ANOS1: variants seen among roughly 807,000 people sequenced by gnomAD.
ANOS1 encodes the protein anosmin 1, also known as anosmin-1.
Under a neutral mutation model 59.0 loss-of-function variants are expected in ANOS1, and 6 were observed. The ratio of observed to expected loss-of-function variants is 0.10; its 90% CI spans 0.06 to 0.20. ANOS1 has a LOEUF of 0.20. Among genes scored for constraint, ANOS1 ranks in the 10% least tolerant of loss-of-function variants. The probability of loss-of-function intolerance (pLI) is 1.00; values close to 1 mark genes in which losing one functional copy is unlikely to be tolerated. For synonymous variants in ANOS1, 217 were observed against 223.4 expected (o/e 0.97, Z 0.25); for missense variants, 433 against 542.3 (o/e 0.80, Z 2.00).
chrX:8,554,556 T>G lies in ANOS1; in HGVS notation c.1208-458A>C, dbSNP rs867345192. Among the ~76,000 whole-genome samples, 680 of 97,133 alleles carry G rather than the reference T, an allele frequency of 7.0e-3. 9 individuals are homozygous for G. Among genetic ancestry groups the G allele is most frequent in the African/African-American group, 0.026 (658 of 24,937 alleles). The allele number at this position is 97,133 out of a possible 115,157, so 84.3% of individuals were successfully genotyped here. A position where few individuals can be genotyped will look rare whatever the true frequency, so the allele number is the denominator to read the frequency against. ...TGGCTACAGGAGTTTTTTTTTTTTT[T>G]TTTTTTTTTTTTTTGTTGTTGTTGT... is the stretch of plus-strand genomic sequence containing the variant. On this transcript the variant is annotated intron_variant, in intron 8 of 13. Transcript: ENST00000262648.
At chrX:8,602,135 C>T (rs1930854400) in intron 3 of ANOS1, among the ~76,000 whole-genome samples, 1 of 112,213 alleles carries the variant, frequency 8.9e-6, no homozygotes, top group Non-Finnish European at 1.9e-5. Flanking sequence ...GGTTTTGATG[C>T]TGTCTATTAA....
intron 3 of ANOS1, among the ~76,000 whole-genome samples, chrX:8,619,428 AC>A (rs1438442230): frequency 1.8e-5 from 2 of 110,624 alleles, no homozygotes. Flanking sequence ...ACATGGTGAA[AC>A]CCCGTCTCTA....
intron 9 of ANOS1, among the ~76,000 whole-genome samples, chrX:8,551,474 C>T (rs771887690): frequency 3.6e-5 from 4 of 109,942 alleles, no homozygotes; most frequent in Admixed American, 2.9e-4. Context: ...CCTGTCTCTA[C>T]TGAAAATACA....
chrX:8,544,279 C>T (rs1195846984), intron 9 of ANOS1, among the ~76,000 whole-genome samples: 1 of 99,457 alleles, frequency 1.0e-5, no homozygotes, highest in Non-Finnish European at 2.0e-5. Context: ...TTGTAAGTCA[C>T]AGCACTAGGG....
At position 8,731,956 on chromosome X, in the gene ANOS1, G is replaced by A. The variant is rs957612164; in HGVS notation, c.81C>T (p.Pro27=). The A allele has an allele frequency of 9.0e-7, 1 of 1,114,598 alleles. No individual in the cohort carries two copies. The highest frequency in any genetic ancestry group is 1.9e-5 in the African/African-American group (1 of 52,219). The allele number at this position is 1,114,598 out of a possible 1,213,427, so 91.9% of individuals were successfully genotyped here. A position where few individuals can be genotyped will look rare whatever the true frequency, so the allele number is the denominator to read the frequency against. ...CCAGCCGCCGCGCAGCAGCCGCGCCGGGGCCGGCCGCCAGGCAGCCGCTGG... is the reference window on the plus strand; with the variant it reads ...CCAGCCGCCGCGCAGCAGCCGCGCCAGGGCCGGCCGCCAGGCAGCCGCTGG... ...AASSGCLAAG[P]GAAAARRLDE... The change falls in exon 1 of 14, where the codon CCC becomes CCT. Residue 27 remains proline (P), a synonymous_variant. Coordinates refer to ENST00000262648, the MANE Select transcript of ANOS1 (RefSeq NM_000216.4).
intron 3 of ANOS1, among the ~76,000 whole-genome samples, chrX:8,603,492 T>A (rs1320589988): frequency 8.9e-6 from 1 of 111,900 alleles, no homozygotes; most frequent in Non-Finnish European, 1.9e-5. Context: ...CTGTGGCAAG[T>A]AGCTAAAAAT....
chrX:8,639,170 TTTACAATA>T (rs1931619403), intron 2 of ANOS1, among the ~76,000 whole-genome samples: 1 of 111,632 alleles, frequency 9.0e-6, no homozygotes, highest in African/African-American at 3.2e-5. Flanking sequence ...ACATGTGATA[TTTACAATA>T]TAGATGATGC....
intron 2 of ANOS1, among the ~76,000 whole-genome samples, chrX:8,670,428 C>A (rs1384199787): frequency 9.0e-6 from 1 of 111,217 alleles, no homozygotes; most frequent in Non-Finnish European, 1.9e-5. Flanking sequence ...GCCTCTGATT[C>A]CAATTGGCTG....
At chrX:8,667,817 G>C (rs1311567463) in intron 2 of ANOS1, among the ~76,000 whole-genome samples, 1 of 111,206 alleles carries the variant, frequency 9.0e-6, no homozygotes. Context: ...TGGCCGAGAA[G>C]GGTAAGAGTA....
intron 2 of ANOS1, among the ~76,000 whole-genome samples, chrX:8,675,062 G>A (rs779040994): frequency 3.6e-5 from 4 of 111,139 alleles, no homozygotes; most frequent in East Asian, 5.7e-4. Flanking sequence ...AAATATGATC[G>A]AAAATGCATT....
At chrX:8,586,312 T>C (rs957982857) in intron 5 of ANOS1, among the ~76,000 whole-genome samples, 3 of 112,142 alleles carry the variant, frequency 2.7e-5, no homozygotes, top group African/African-American at 9.7e-5. Context: ...TACATCAATA[T>C]CTAAAAGAAG....
intron 9 of ANOS1, among the ~76,000 whole-genome samples, chrX:8,544,871 G>A (rs977475996): frequency 2.8e-5 from 3 of 108,716 alleles, no homozygotes; most frequent in South Asian, 4.1e-4. Context: ...GTTCGAGACC[G>A]GCCTGACCAA....
chrX:8,652,768 T>G (rs1274544078), intron 2 of ANOS1, among the ~76,000 whole-genome samples: 1 of 111,534 alleles, frequency 9.0e-6, no homozygotes, highest in Non-Finnish European at 1.9e-5. Context: ...TTCTACAGGG[T>G]CCAACAAATT....
chrX:8,624,900 G>C (rs926483722), intron 2 of ANOS1, among the ~76,000 whole-genome samples: 9 of 110,229 alleles, frequency 8.2e-5, no homozygotes, highest in African/African-American at 3.0e-4. Context: ...TTGAGGCCAA[G>C]AGTTTGAGAC....
chrX:8,732,026 C>T lies in ANOS1; in HGVS notation c.11G>A (p.Gly4Glu), dbSNP rs1197653612. MVP[G>E]VPGAVLTLCL... ...GAGGGTCAGGACCGCGCCGGGCACCCCGGGCACCATGGCTGCGGGTCGAGG... is the reference window on the plus strand; with the variant it reads ...GAGGGTCAGGACCGCGCCGGGCACCTCGGGCACCATGGCTGCGGGTCGAGG... Residue 4 changes from glycine (G) to glutamate (E), a missense_variant, in exon 1 of 14, where the codon GGG (glycine) becomes GAG (glutamate). By Grantham distance (98) the Gly-to-Glu change is moderately conservative. Transcript: ENST00000262648. 3.0e-6 allele frequency: 3 copies of T among 994,979 alleles called. No homozygotes were observed. The Admixed American group carries it at 1.7e-4, about 57-fold the overall frequency. 82.0% of individuals were successfully genotyped at this position (994,979 alleles called of 1,213,427 possible).
intron 2 of ANOS1, among the ~76,000 whole-genome samples, chrX:8,637,415 C>T (rs1181877596): frequency 8.9e-6 from 1 of 112,028 alleles, no homozygotes; most frequent in African/African-American, 3.2e-5. Context: ...ACCTTCATTA[C>T]CCCTTTACCC....
chrX:8,535,262 G>C (rs79897600), intron 12 of ANOS1: 9 of 264,189 alleles, frequency 3.4e-5, no homozygotes, highest in South Asian at 1.4e-4. Flanking sequence ...TTCAAACAGG[G>C]CATGTTCACT....
chrX:8,719,825 AC>A (rs1380967855), intron 1 of ANOS1, among the ~76,000 whole-genome samples: 1 of 111,681 alleles, frequency 9.0e-6, no homozygotes, highest in Non-Finnish European at 1.9e-5. Flanking sequence ...CAAAAAAAAA[AC>A]CTTATGAAAA....
intron 1 of ANOS1, among the ~76,000 whole-genome samples, chrX:8,704,033 A>G (rs928866949): frequency 2.7e-5 from 3 of 109,984 alleles, no homozygotes; most frequent in Admixed American, 1.9e-4. Context: ...GGTTTTTCCC[A>G]TGTTATTCTC....
Sources: gnomAD v4.1 joint callset for allele counts (sites outside exome capture counted in the v4.1 genomes callset) on GRCh38, gnomAD v4.1.1 for gene constraint, MANE v1.5 for transcripts, NCBI Gene and HGNC (gene_info 2026-07-23, HGNC 2026-07-21) for gene names.